The following MEIG1 variants were observed in gnomAD, a reference collection of about 807,000 sequenced individuals.
MEIG1 encodes meiosis/spermiogenesis associated 1, also known as meiosis expressed gene 1 protein homolog.
Under a neutral mutation model 11.3 loss-of-function variants are expected in MEIG1, and 12 were observed. The ratio of observed to expected loss-of-function variants is 1.07; its 90% confidence interval spans 0.68 to 1.73. MEIG1 has a LOEUF of 1.73. Among genes scored for constraint, MEIG1 ranks in the 40% most tolerant of loss-of-function variants. The probability of loss-of-function intolerance (pLI) is 0.00; values close to 1 mark genes in which losing one functional copy is unlikely to be tolerated. For synonymous variants in MEIG1, 41 were observed against 33.2 expected (o/e 1.24, Z -0.81); for missense variants, 119 against 104.9 (o/e 1.13, Z -0.59).
At position 14,987,624 on chromosome 10, in the gene MEIG1, T is replaced by G. The variant is rs1843332292; in HGVS notation, n.286-164T>G. 7.6e-5 allele frequency: 39 copies of G among 512,918 alleles called. No individual in the cohort carries two copies. The East Asian group carries it at 1.4e-3, about 19-fold the overall frequency. 31.8% of individuals were successfully genotyped at this position (512,918 alleles called of 1,614,324 possible). A position where few individuals can be genotyped will look rare whatever the true frequency, so the allele number is the denominator to read the frequency against. On this transcript the variant is annotated intron_variant and non_coding_transcript_variant, in intron 2 of 2. Transcript: ENST00000467536. The stretch of plus-strand genomic sequence containing the variant: ...CTCAGAATTTTTACGTGATTTACTT[T>G]TTAGCTATACGAGGCTTTCTGTACA...
intron 1 of MEIG1, among the ~76,000 whole-genome samples, chr10:14,981,325 A>G (rs1241449735): frequency 6.6e-6 from 1 of 152,028 alleles, no homozygotes; most frequent in Non-Finnish European, 1.5e-5. Context: ...CTTTAGCAGC[A>G]AAGAGCTGTG....
chr10:14,977,665 A>T (rs1163357177), downstream of MEIG1, among the ~76,000 whole-genome samples: 3 of 151,874 alleles, frequency 2.0e-5, no homozygotes, highest in East Asian at 5.8e-4. Flanking sequence ...GGTGTACCCC[A>T]TGTGGGTATA....
downstream of MEIG1, among the ~76,000 whole-genome samples, chr10:14,973,578 G>C (rs1161749070): frequency 6.6e-6 from 1 of 152,016 alleles, no homozygotes. Flanking sequence ...GACCATCCTG[G>C]CTAGCAGGGT....
In MEIG1 at chr10:14,972,527, G is replaced by A. The variant is rs150890591; in HGVS notation, c.153G>A (p.Pro51=). 2,291 of 1,613,932 alleles carry A rather than the reference G, an allele frequency of 1.4e-3. 32 individuals are homozygous for A. In the East Asian group the frequency reaches 0.018, roughly 12 times the overall value. ...TTGATGTGCAGGTAGATCGTTGGCC[G>A]GAGACAGGATATGTGAAGAAACTTC... The part of the protein sequence containing the change: ...VKQVSMVDRW[P]ETGYVKKLQR... Residue 51 remains proline, a synonymous_variant, in exon 3 of 3, where the codon CCG becomes CCA. Transcript: ENST00000407572.
At chr10:14,984,890 A>C (rs1843302954) in intron 1 of MEIG1, among the ~76,000 whole-genome samples, 1 of 152,030 alleles carries the variant, frequency 6.6e-6, no homozygotes, top group East Asian at 1.9e-4. Context: ...TACACGCTTC[A>C]ATATTCTTCA....
chr10:14,974,573 G>C (rs2131276988), downstream of MEIG1, among the ~76,000 whole-genome samples: 1 of 152,114 alleles, frequency 6.6e-6, no homozygotes, highest in Non-Finnish European at 1.5e-5. Context: ...GGGAGGGGTG[G>C]AATGGCACAA....
intron 1 of MEIG1, chr10:14,986,740 G>C (rs774799829): frequency 2.8e-5 from 9 of 322,400 alleles, no homozygotes; most frequent in Non-Finnish European, 5.4e-5. Context: ...CCTGCGAATA[G>C]CTGAGACTAC....
At chr10:14,982,736 A>G (rs1319029607) in intron 1 of MEIG1, among the ~76,000 whole-genome samples, 1 of 152,120 alleles carries the variant, frequency 6.6e-6, no homozygotes, top group East Asian at 1.9e-4. Context: ...AATAATATCA[A>G]TTGTTAATTG....
In MEIG1 at chr10:14,979,946, A is replaced by G. The variant is rs1166255905; in HGVS notation, n.67-6850A>G. Among the ~76,000 whole-genome samples the G allele has an allele frequency of 3.3e-5, 5 of 152,060 alleles. No individual in the cohort carries two copies. In the East Asian group the frequency reaches 9.7e-4, roughly 29 times the overall value. ...ACATCCTGTGAAATTATTTGTAGTA[A>G]TCCAGGGGGATAATTACCCTAAAGT... is the stretch of plus-strand genomic sequence containing the variant. On this transcript the variant is annotated intron_variant and non_coding_transcript_variant, in intron 1 of 2. Coordinates refer to the MEIG1 transcript ENST00000467536.
intron 2 of MEIG1, 104 bp downstream of exon 2, chr10:14,966,710 ACT>A (rs1843088770): frequency 2.0e-6 from 2 of 995,826 alleles, no homozygotes; most frequent in African/African-American, 1.7e-5. Flanking sequence ...TTCGACTCCA[ACT>A]CTCTCATTTT....
At chr10:14,962,544 T>TGGCAAAA (rs1232753497) in intron 1 of MEIG1, among the ~76,000 whole-genome samples, 6 of 152,208 alleles carry the variant, frequency 3.9e-5, no homozygotes, top group African/African-American at 7.2e-5. Flanking sequence ...TTTTTATGTA[T>TGGCAAAA]AGTTGCCATA....
At chr10:14,982,984 C>CTTAATA (rs963902398) in intron 1 of MEIG1, among the ~76,000 whole-genome samples, 2 of 151,924 alleles carry the variant, frequency 1.3e-5, no homozygotes, top group African/African-American at 2.4e-5. Flanking sequence ...GCAATTATTT[C>CTTAATA]TTAATATTAA....
chr10:14,963,900 C>T (rs1005184253), intron 1 of MEIG1, among the ~76,000 whole-genome samples: 3 of 152,058 alleles, frequency 2.0e-5, no homozygotes, highest in Non-Finnish European at 4.4e-5. Context: ...AGATCCAGAA[C>T]ATCCTGGCTA....
chr10:14,985,818 G>A (rs1411701703), intron 1 of MEIG1, among the ~76,000 whole-genome samples: 4 of 152,028 alleles, frequency 2.6e-5, no homozygotes, highest in African/African-American at 9.7e-5. Flanking sequence ...AAATATCACA[G>A]TGGATGTACA....
downstream of MEIG1, among the ~76,000 whole-genome samples, chr10:14,977,047 G>A (rs7908610): frequency 0.084 from 12,697 of 151,954 alleles, 894 homozygotes; most frequent in African/African-American, 0.19. Flanking sequence ...ATTTCCTAAT[G>A]TCCTAGCGCA....
chr10:14,978,394 T>A (rs150421587), intron 1 of MEIG1, among the ~76,000 whole-genome samples: 1 of 151,936 alleles, frequency 6.6e-6, no homozygotes, highest in Non-Finnish European at 1.5e-5. Context: ...ATTAGTAACA[T>A]CCTAGGGGAA....
chr10:14,971,694 C>A (rs886756845), intron 2 of MEIG1, among the ~76,000 whole-genome samples: 1 of 152,172 alleles, frequency 6.6e-6, no homozygotes, highest in Non-Finnish European at 1.5e-5. Flanking sequence ...CTGGGCTTAG[C>A]CCTAATTTCC....
chr10:14,977,394 T>C, downstream of MEIG1, among the ~76,000 whole-genome samples: 1 of 142,288 alleles, frequency 7.0e-6, no homozygotes, highest in South Asian at 2.2e-4. Context: ...CAAATGCGTG[T>C]ACACGTGATA....
upstream of MEIG1, among the ~76,000 whole-genome samples, chr10:14,956,033 G>A (rs143161684): frequency 3.9e-5 from 6 of 152,294 alleles, no homozygotes; most frequent in East Asian, 1.9e-4. Context: ...GTTAATGCTC[G>A]TGATCTTATG....
Sources: allele counts gnomAD v4.1 joint callset (sites outside exome capture counted in the v4.1 genomes callset), GRCh38; gene constraint gnomAD v4.1.1; transcripts MANE v1.5; gene names NCBI Gene and HGNC (gene_info 2026-07-23, HGNC 2026-07-21).